Variants in FKBP15 observed in about 807,000 individuals in gnomAD.
FKBP15 encodes the protein FKBP prolyl isomerase family member 15, also known as FK506-binding protein 15.
FKBP15 carries 106 observed loss-of-function variants against 158.1 expected under a neutral mutation model. That is an observed-to-expected ratio of 0.67 (90% CI 0.57 to 0.79). The LOEUF is 0.79. Ranked by LOEUF, FKBP15 falls within the 30% of genes least tolerant of loss-of-function variation. FKBP15 has a pLI of 0.00. For missense variants in FKBP15, 1,287 were observed against 1,479.1 expected (o/e 0.87, Z 2.13); for synonymous variants, 547 against 548.6 (o/e 1.00, Z 0.04).
At position 113,221,178 on chromosome 9, in the gene FKBP15, CTCAG is replaced by C; in HGVS notation, c.53+9_53+12del. ...CAGCCACGCCCTCCAGCGCATACTTCTCAGTCACTCACCCGCCGCTCGGCGAGAG... is the reference window on the plus strand; with the variant it reads ...CAGCCACGCCCTCCAGCGCATACTTCTCACTCACCCGCCGCTCGGCGAGAG... On this transcript the variant is annotated intron_variant, in intron 1 of 27. Transcript: ENST00000238256. The C allele has an allele frequency of 6.2e-7, 1 of 1,603,378 alleles. No homozygotes were observed. The highest frequency in any genetic ancestry group is 1.7e-4 in the Middle Eastern group (1 of 5,940).
intron 26 of FKBP15, 122 bp from the exon 27 acceptor site, chr9:113,168,678 T>A: frequency 1.3e-6 from 1 of 794,072 alleles, no homozygotes; most frequent in Non-Finnish European, 2.0e-6. Flanking sequence ...TGCTCAGGAA[T>A]TCCTCCCACC....
intron 26 of FKBP15, 87 bp downstream of exon 26, chr9:113,169,137 A>C (rs1469912776): frequency 6.8e-7 from 1 of 1,475,118 alleles, no homozygotes; most frequent in Non-Finnish European, 9.0e-7. Context: ...TTAGTCTCTG[A>C]GGGATGAGTT....
intron 23 of FKBP15, 48 bp from the exon 24 acceptor site, chr9:113,171,754 G>A: frequency 2.7e-6 from 3 of 1,125,166 alleles, no homozygotes; most frequent in Non-Finnish European, 3.5e-6. Flanking sequence ...CCAGGTGAAG[G>A]TCAGAAAACC....
intron 12 of FKBP15, among the ~76,000 whole-genome samples, chr9:113,188,956 T>A (rs1830529332): frequency 6.6e-6 from 1 of 152,260 alleles, no homozygotes; most frequent in African/African-American, 2.4e-5. Context: ...TAGGATTCAC[T>A]GCACCTGATT....
chr9:113,197,005 A>G lies in FKBP15; in HGVS notation c.791T>C (p.Val264Ala). Residue 264 changes from valine to alanine, a missense_variant, in exon 9 of 28, where the codon GTT becomes GCT. By Grantham distance (64) the Val-to-Ala change is moderately conservative. Coordinates refer to ENST00000238256, the MANE Select transcript of FKBP15 (RefSeq NM_015258.2). ...CCAGCCTATTACCCCTTCTGAGCCA[A>G]CAGCACAGGCTGGAGGGACAATAAG... Reference protein sequence around the residue: ...RLLIVPPACAVGSEGVIGWTQ... With the variant: ...RLLIVPPACAAGSEGVIGWTQ... 6.2e-7 allele frequency: 1 copy of G among 1,613,936 alleles called. No individual in the cohort carries two copies. Among genetic ancestry groups the G allele is most frequent in the Non-Finnish European group, 8.5e-7 (1 of 1,179,878 alleles).
At chr9:113,199,692 G>A in intron 7 of FKBP15, 122 bp downstream of exon 7, 2 of 1,054,068 alleles carry the variant, frequency 1.9e-6, no homozygotes, top group South Asian at 3.4e-5. Context: ...AGTGTCTAAA[G>A]TGGGGATCCT....
At chr9:113,220,970 T>C (rs1277357526) in intron 1 of FKBP15, among the ~76,000 whole-genome samples, 1 of 152,182 alleles carries the variant, frequency 6.6e-6, no homozygotes, top group Non-Finnish European at 1.5e-5. Flanking sequence ...AACCCAGGGC[T>C]ATCTTCCCGC....
intron 21 of FKBP15, among the ~76,000 whole-genome samples, 163 bp from the exon 22 acceptor site, chr9:113,174,746 G>A (rs1387179114): frequency 6.6e-6 from 1 of 152,102 alleles, no homozygotes; most frequent in East Asian, 1.9e-4. Flanking sequence ...TTGGCTACTG[G>A]GTGAGGAAAA....
intron 15 of FKBP15, 94 bp downstream of exon 15, chr9:113,186,155 G>GTTC (rs1830481312): frequency 1.2e-6 from 1 of 807,372 alleles, no homozygotes; most frequent in African/African-American, 1.7e-5. Flanking sequence ...GAAACAATGA[G>GTTC]TAGAGAGCTG....
At chr9:113,194,794 C>T (rs57222245) in intron 9 of FKBP15, among the ~76,000 whole-genome samples, 2,135 of 152,166 alleles carry the variant, frequency 0.014, 43 homozygotes, top group African/African-American at 0.049. Context: ...AAGGGTCAGC[C>T]CTTCACTGTT....
chr9:113,213,447 G>A (rs192693509), intron 1 of FKBP15, among the ~76,000 whole-genome samples: 27 of 151,714 alleles, frequency 1.8e-4, no homozygotes, highest in Admixed American at 1.2e-3. Flanking sequence ...GGTGGTAAAC[G>A]CCTGGAGTCC....
chr9:113,183,190 C>T (rs758796932), intron 18 of FKBP15, among the ~76,000 whole-genome samples: 6 of 152,116 alleles, frequency 3.9e-5, no homozygotes, highest in Non-Finnish European at 8.8e-5. Context: ...GCCACTCCCC[C>T]AGCTCTGTCA....
chr9:113,196,049 C>T (rs1390042044), intron 9 of FKBP15, among the ~76,000 whole-genome samples: 1 of 151,788 alleles, frequency 6.6e-6, no homozygotes, highest in East Asian at 1.9e-4. Flanking sequence ...CACACACGCA[C>T]ATATGAGACC....
At chr9:113,166,206 GAC>G in intron 27 of FKBP15, 51 bp from the exon 28 acceptor site, 1 of 1,514,332 alleles carries the variant, frequency 6.6e-7, no homozygotes. Flanking sequence ...TGCACCACTG[GAC>G]TTTCCACCTG....
chr9:113,190,888 A>T (rs944320617), intron 11 of FKBP15, among the ~76,000 whole-genome samples: 2 of 152,192 alleles, frequency 1.3e-5, no homozygotes. Context: ...AATTAAAGTG[A>T]GATGTTAAGA....
intron 2 of FKBP15, among the ~76,000 whole-genome samples, chr9:113,210,556 C>G (rs993262859): frequency 6.6e-6 from 1 of 152,204 alleles, no homozygotes; most frequent in African/African-American, 2.4e-5. Context: ...TCGTCTCGAT[C>G]TCTTGACCTC....
intron 27 of FKBP15, 53 bp from the exon 28 acceptor site, chr9:113,166,208 C>G: frequency 6.6e-7 from 1 of 1,508,458 alleles, no homozygotes; most frequent in South Asian, 1.2e-5. Flanking sequence ...CACCACTGGA[C>G]TTTCCACCTG....
intron 2 of FKBP15, among the ~76,000 whole-genome samples, chr9:113,208,470 C>T (rs79450903): frequency 2.6e-4 from 39 of 152,258 alleles, no homozygotes; most frequent in Admixed American, 3.3e-4. Context: ...AATACTGATG[C>T]GGACATGACA....
chr9:113,170,653 C>CT (rs1158524029), intron 24 of FKBP15, 24 bp from the exon 25 acceptor site: 1 of 1,551,616 alleles, frequency 6.4e-7, no homozygotes, highest in African/African-American at 1.4e-5. Context: ...AAAACACATG[C>CT]TGTCAAAATC....
Sources: allele counts gnomAD v4.1 joint callset (sites outside exome capture counted in the v4.1 genomes callset), GRCh38; gene constraint gnomAD v4.1.1; transcripts MANE v1.5; gene names NCBI Gene and HGNC (gene_info 2026-07-23, HGNC 2026-07-21).